The following NCKAP5 variants were observed in gnomAD, a reference collection of about 807,000 sequenced individuals.
NCKAP5 encodes the protein nck-associated protein 5.
A neutral mutation model predicts 167.0 loss-of-function variants in NCKAP5; 92 were observed. The ratio of observed to expected loss-of-function variants is 0.55; its 90% confidence interval spans 0.47 to 0.66. The LOEUF is 0.66. Ranked by LOEUF, NCKAP5 falls within the 30% of genes least tolerant of loss-of-function variation. NCKAP5 has a pLI of 0.00. For synonymous variants in NCKAP5, 891 were observed against 877.4 expected (o/e 1.02, Z -0.27); for missense variants, 2,378 against 2,315.0 (o/e 1.03, Z -0.56).
chr2:133,379,247 C>T (rs1686355687), intron 3 of NCKAP5, among the ~76,000 whole-genome samples: 1 of 152,150 alleles, frequency 6.6e-6, no homozygotes, highest in South Asian at 2.1e-4. Context: ...TAAAGCTCAC[C>T]TCATCTCCAG....
chr2:132,698,946 C>T (rs548219352), intron 19 of NCKAP5, among the ~76,000 whole-genome samples: 10 of 152,188 alleles, frequency 6.6e-5, no homozygotes, highest in Non-Finnish European at 1.2e-4. Flanking sequence ...TTGTAACAAG[C>T]CTTCCAGGTA....
intron 19 of NCKAP5, among the ~76,000 whole-genome samples, chr2:132,703,982 T>A (rs1314419213): frequency 1.3e-5 from 2 of 152,154 alleles, no homozygotes; most frequent in African/African-American, 4.8e-5. Flanking sequence ...AAGTCACCCC[T>A]TAGTCACATC....
intron 3 of NCKAP5, among the ~76,000 whole-genome samples, chr2:133,385,348 T>C (rs1329363175): frequency 6.6e-6 from 1 of 152,218 alleles, no homozygotes; most frequent in East Asian, 1.9e-4. Context: ...TTGGATTATG[T>C]TTTTTGATTT....
At chr2:132,891,408 T>G (rs1692701016) in intron 8 of NCKAP5, among the ~76,000 whole-genome samples, 1 of 152,198 alleles carries the variant, frequency 6.6e-6, no homozygotes, top group South Asian at 2.1e-4. Context: ...GGGTGTCACC[T>G]CCTTCTTCCC....
At position 132,785,461 on chromosome 2, in the gene NCKAP5, G is replaced by A; in HGVS notation, c.1350C>T (p.Pro450=). ...GIKSSSLKEY[P]PCKTADLGSP... ...TCCCCAGGTCAGCTGTTTTGCAGGG[G>A]GGATACTCCTTGAGGCTGCTACTTT... Residue 450 remains proline (P), a synonymous_variant, in exon 14 of 20, where the codon CCC becomes CCT. Coordinates refer to ENST00000409261, the MANE Select transcript of NCKAP5 (RefSeq NM_207363.3). 1 of 1,613,628 alleles carries A rather than the reference G, an allele frequency of 6.2e-7. No individual in the cohort carries two copies. Among genetic ancestry groups the A allele is most frequent in the Non-Finnish European group, 8.5e-7 (1 of 1,179,702 alleles).
At chr2:133,415,340 A>C (rs1411612096) in intron 3 of NCKAP5, among the ~76,000 whole-genome samples, 1 of 152,254 alleles carries the variant, frequency 6.6e-6, no homozygotes, top group African/African-American at 2.4e-5. Context: ...TACTGTATTG[A>C]AAGTAATGGC....
the NCKAP5 span, among the ~76,000 whole-genome samples, chr2:133,629,871 T>G: frequency 3.3e-5 from 5 of 152,060 alleles, no homozygotes; most frequent in Admixed American, 1.3e-4. Context: ...AGCAAACTAA[T>G]GCAGGAACAG....
At chr2:133,613,906 TC>T in the NCKAP5 span, among the ~76,000 whole-genome samples, 1 of 152,200 alleles carries the variant, frequency 6.6e-6, no homozygotes, top group Non-Finnish European at 1.5e-5. Context: ...TGTGTTGCCT[TC>T]TTTCTCACAG....
chr2:133,110,817 C>A (rs1238267074), intron 6 of NCKAP5, among the ~76,000 whole-genome samples: 5 of 152,138 alleles, frequency 3.3e-5, no homozygotes, highest in Non-Finnish European at 7.4e-5. Context: ...GGGGCTTCAA[C>A]AACACAAGTT....
At chr2:133,088,059 C>T (rs144475230) in intron 6 of NCKAP5, among the ~76,000 whole-genome samples, 1 of 152,300 alleles carries the variant, frequency 6.6e-6, no homozygotes, top group Admixed American at 6.5e-5. Context: ...CATGCCTCCT[C>T]TCTCACTATT....
At chr2:133,455,640 A>G (rs1691803084) in intron 3 of NCKAP5, among the ~76,000 whole-genome samples, 1 of 152,140 alleles carries the variant, frequency 6.6e-6, no homozygotes, top group Non-Finnish European at 1.5e-5. Context: ...TCATATCCAA[A>G]TGCTCTCCCC....
intron 6 of NCKAP5, among the ~76,000 whole-genome samples, chr2:133,092,140 T>A (rs552744397): frequency 4.7e-4 from 71 of 152,224 alleles, no homozygotes; most frequent in Admixed American, 9.2e-4. Context: ...AAAACAAATA[T>A]GAATTTATTT....
intron 3 of NCKAP5, among the ~76,000 whole-genome samples, chr2:133,496,654 A>G (rs1681975894): frequency 6.6e-6 from 1 of 152,162 alleles, no homozygotes; most frequent in Non-Finnish European, 1.5e-5. Flanking sequence ...CCTCACTCAG[A>G]TCTGCTGAAT....
At chr2:132,937,123 G>A (rs1696912095) in intron 8 of NCKAP5, among the ~76,000 whole-genome samples, 1 of 152,172 alleles carries the variant, frequency 6.6e-6, no homozygotes, top group Admixed American at 6.5e-5. Flanking sequence ...GTCACTATTA[G>A]AGAGCTGCCC....
intron 13 of NCKAP5, among the ~76,000 whole-genome samples, chr2:132,788,069 G>A (rs982944291): frequency 6.6e-6 from 1 of 152,150 alleles, no homozygotes; most frequent in African/African-American, 2.4e-5. Flanking sequence ...TCCTCTATAG[G>A]AGGTTATAGT....
intron 5 of NCKAP5, among the ~76,000 whole-genome samples, chr2:133,183,590 A>T (rs1190335410): frequency 6.6e-6 from 1 of 152,176 alleles, no homozygotes; most frequent in African/African-American, 2.4e-5. Context: ...AGCACTGGCC[A>T]AAAACCAAAC....
chr2:133,214,293 C>T (rs918952538), intron 4 of NCKAP5, among the ~76,000 whole-genome samples: 3 of 152,146 alleles, frequency 2.0e-5, no homozygotes, highest in African/African-American at 4.8e-5. Flanking sequence ...TGACAACAAT[C>T]CCATGGGTGA....
At chr2:132,838,354 G>A (rs901124684) in intron 11 of NCKAP5, among the ~76,000 whole-genome samples, 4 of 152,138 alleles carry the variant, frequency 2.6e-5, no homozygotes, top group African/African-American at 9.7e-5. Flanking sequence ...AATCGGGGCC[G>A]GGCGCGGTGG....
chr2:133,544,209 A>G (rs1382419559), intron 2 of NCKAP5, among the ~76,000 whole-genome samples: 1 of 152,220 alleles, frequency 6.6e-6, no homozygotes, highest in East Asian at 1.9e-4. Flanking sequence ...CTTATTTGGA[A>G]AAAAATAAAT....
Sources: gnomAD v4.1 joint callset for allele counts (sites outside exome capture counted in the v4.1 genomes callset) on GRCh38, gnomAD v4.1.1 for gene constraint, MANE v1.5 for transcripts, NCBI Gene and HGNC (gene_info 2026-07-23, HGNC 2026-07-21) for gene names.